Variants in MYO19 observed in about 807,000 individuals in gnomAD.
MYO19 encodes the protein myosin XIX.
Under a neutral mutation model 129.2 loss-of-function variants are expected in MYO19, and 132 were observed. That is an observed-to-expected ratio of 1.02 (90% CI 0.89 to 1.18). The LOEUF (loss-of-function observed/expected upper bound fraction) is 1.18. Ranked by LOEUF, MYO19 falls within the 50% of genes most tolerant of loss-of-function variation. MYO19 has a pLI of 0.00. For synonymous variants in MYO19, 531 were observed against 477.2 expected (o/e 1.11, Z -1.47); for missense variants, 1,210 against 1,216.7 (o/e 0.99, Z 0.08).
chr17:36,540,055 A>C (rs1426867887), intron 2 of MYO19, among the ~76,000 whole-genome samples: 3 of 152,142 alleles, frequency 2.0e-5, no homozygotes, highest in African/African-American at 7.2e-5. Flanking sequence ...AATTGAAAGA[A>C]GGCTGAACAC....
intron 8 of MYO19, 114 bp from the exon 9 acceptor site, chr17:36,514,662 C>A: frequency 1.4e-6 from 1 of 711,186 alleles, no homozygotes; most frequent in East Asian, 2.5e-5. Context: ...CAAGCTCTTC[C>A]ACTTAGCCAA....
intron 23 of MYO19, chr17:36,500,052 T>A (rs2071400274): frequency 6.6e-6 from 1 of 151,930 alleles, no homozygotes; most frequent in South Asian, 2.1e-4. Flanking sequence ...AGAGAAAGGG[T>A]TTTGCCATGT....
intron 3 of MYO19, 109 bp from the exon 4 acceptor site, chr17:36,528,311 A>G: frequency 8.3e-7 from 1 of 1,207,208 alleles, no homozygotes; most frequent in Admixed American, 2.3e-5. Flanking sequence ...GATCGAGACC[A>G]TCCTGGTTAA....
intron 9 of MYO19, among the ~76,000 whole-genome samples, chr17:36,513,999 C>T (rs765387590): frequency 2.0e-5 from 3 of 152,178 alleles, no homozygotes; most frequent in Non-Finnish European, 2.9e-5. Context: ...GTCGTCTTGA[C>T]GTGGGAGGCA....
chr17:36,515,733 G>T, intron 7 of MYO19, 125 bp downstream of exon 7: 1 of 1,026,428 alleles, frequency 9.7e-7, no homozygotes, highest in Non-Finnish European at 1.4e-6. Flanking sequence ...CTGAGGCAGT[G>T]AAGGATACAC....
exon 1 of MYO19, chr17:36,543,255 A>T (rs1446568991): frequency 1.3e-5 from 2 of 152,206 alleles, no homozygotes; most frequent in East Asian, 3.9e-4. Flanking sequence ...TCCCGGGTTC[A>T]AGCGATTCTC....
Position 36,496,042 on chromosome 17 carries a change from C to T in MYO19, c.*209G>A. ...TTAACCCTGATTTGGTAACTACCAGCCCTGACACCATCAGTGCTTGATGTA... is the reference window on the plus strand; with the variant it reads ...TTAACCCTGATTTGGTAACTACCAGTCCTGACACCATCAGTGCTTGATGTA... On this transcript the variant is annotated 3_prime_UTR_variant, in exon 26 of 26. Transcript: ENST00000614623. 1.2e-6 allele frequency: 1 copy of T among 808,522 alleles called. No individual in the cohort carries two copies. 50.1% of individuals were successfully genotyped at this position (808,522 alleles called of 1,614,324 possible).
intron 13 of MYO19, among the ~76,000 whole-genome samples, 192 bp downstream of exon 13, chr17:36,510,554 A>C (rs1252023814): frequency 2.0e-5 from 3 of 152,228 alleles, no homozygotes; most frequent in African/African-American, 7.2e-5. Flanking sequence ...AAGAGGCCAC[A>C]GACGCTGCTT....
chr17:36,506,402 T>C lies in MYO19; in HGVS notation c.1797+54A>G, dbSNP rs1418699024. On this transcript the variant is annotated intron_variant, in intron 18 of 25. Transcript: ENST00000614623. ...ATCCCGGCAGGTGCTCAATAAATAT[T>C]TGTGAGACCGTGGAGTTTGAACCAA... is the stretch of plus-strand genomic sequence containing the variant. 3.7e-6 allele frequency: 6 copies of C among 1,604,590 alleles called. No homozygotes were observed. The African/African-American group carries it at 4.2e-5, about 11-fold the overall frequency.
At chr17:36,523,666 TA>T (rs1180783989) in intron 6 of MYO19, among the ~76,000 whole-genome samples, 1 of 152,190 alleles carries the variant, frequency 6.6e-6, no homozygotes, top group African/African-American at 2.4e-5. Flanking sequence ...CATAACCATG[TA>T]AATACTGCTT....
chr17:36,502,717 T>C (rs940735697), intron 21 of MYO19: 4 of 216,512 alleles, frequency 1.8e-5, no homozygotes, highest in Non-Finnish European at 3.7e-5. Context: ...TCTGCCTCAA[T>C]GAACCAGCAA....
upstream of MYO19, chr17:36,538,186 A>G (rs567863846): frequency 6.2e-7 from 1 of 1,613,746 alleles, no homozygotes; most frequent in Non-Finnish European, 8.5e-7. Flanking sequence ...GTAAATGTAG[A>G]AGCAGTATCT....
At chr17:36,531,179 G>A (rs2073813637) in intron 3 of MYO19, among the ~76,000 whole-genome samples, 1 of 152,014 alleles carries the variant, frequency 6.6e-6, no homozygotes. Flanking sequence ...TGGATCACGA[G>A]GTCAGGAGAT....
At chr17:36,514,734 A>G (rs1310348935) in intron 8 of MYO19, among the ~76,000 whole-genome samples, 186 bp from the exon 9 acceptor site, 2 of 152,224 alleles carry the variant, frequency 1.3e-5, no homozygotes, top group African/African-American at 4.8e-5. Context: ...ATTCCCCTGC[A>G]TCTAGCTCAG....
intron 7 of MYO19, among the ~76,000 whole-genome samples, chr17:36,515,538 C>G (rs192374974): frequency 6.6e-5 from 10 of 152,192 alleles, no homozygotes; most frequent in Admixed American, 6.5e-4. Context: ...CCTTGTATCC[C>G]TTAACAAGTA....
chr17:36,499,477 G>T, intron 23 of MYO19: 1 of 219,040 alleles, frequency 4.6e-6, no homozygotes, highest in South Asian at 7.3e-5. Flanking sequence ...GAATGGGAGG[G>T]GTCTGGATTG....
intron 22 of MYO19, 41 bp from the exon 23 acceptor site, chr17:36,501,000 C>A (rs777181461): frequency 1.4e-5 from 23 of 1,604,154 alleles, no homozygotes; most frequent in African/African-American, 5.4e-5. Flanking sequence ...CTCTTCTCCC[C>A]CTGCCCCCTC....
chr17:36,532,458 C>G (rs1854956842), intron 3 of MYO19, 69 bp downstream of exon 3: 1 of 1,539,532 alleles, frequency 6.5e-7, no homozygotes, highest in Non-Finnish European at 8.8e-7. Context: ...TCCCTTCCTT[C>G]CAGGTTAGGG....
At position 36,496,169 on chromosome 17, in the gene MYO19, G is replaced by T; in HGVS notation, c.*82C>A. Reference sequence around the variant, plus strand: ...GTGCATTTGGAGCACTGTGGGAATAGTCTGGCAGCTGTGTGCTGATTAAAT... The same window carrying T: ...GTGCATTTGGAGCACTGTGGGAATATTCTGGCAGCTGTGTGCTGATTAAAT... On this transcript the variant is annotated 3_prime_UTR_variant, in exon 26 of 26. Coordinates refer to ENST00000614623, the MANE Select transcript of MYO19 (RefSeq NM_001163735.2). 1 of 1,540,768 alleles carries T rather than the reference G, an allele frequency of 6.5e-7. No individual in the cohort carries two copies. The highest frequency in any genetic ancestry group is 8.9e-7 in the Non-Finnish European group (1 of 1,125,468).
Sources: gnomAD v4.1 joint callset for allele counts (sites outside exome capture counted in the v4.1 genomes callset) on GRCh38, gnomAD v4.1.1 for gene constraint, MANE v1.5 for transcripts, NCBI Gene and HGNC (gene_info 2026-07-23, HGNC 2026-07-21) for gene names.